The following ROBO3 variants were observed in gnomAD, a reference collection of about 807,000 sequenced individuals.
The protein encoded by ROBO3 is roundabout homolog 3.
ROBO3 carries 97 observed loss-of-function variants against 160.5 expected under a neutral mutation model. The ratio of observed to expected loss-of-function variants is 0.60; its 90% confidence interval spans 0.51 to 0.72. The LOEUF (loss-of-function observed/expected upper bound fraction) is 0.72, where lower values mean the gene tolerates loss of function less well. Among genes scored for constraint, ROBO3 ranks in the 30% least tolerant of loss-of-function variants. The pLI is 0.00. For missense variants in ROBO3, 1,858 were observed against 1,846.5 expected (o/e 1.01, Z -0.11); for synonymous variants, 780 against 746.2 (o/e 1.05, Z -0.74).
At position 124,878,598 on chromosome 11, in the gene ROBO3, A is replaced by G. The variant is rs1320086800; in HGVS notation, c.3335A>G (p.Glu1112Gly). 6.2e-7 allele frequency: 1 copy of G among 1,611,086 alleles called. No homozygotes were observed. The highest frequency in any genetic ancestry group is 1.7e-5 in the Admixed American group (1 of 59,560). ...EELEGSSEPE[E>G]WCPPMPERSH... ...TTTGATCCCAGCTCAGAGCCAGAGG[A>G]GTGGTGCCCGCCAATGCCTGAGAGA... The change falls in exon 23 of 28, where the codon GAG becomes GGG. Residue 1112 changes from glutamate to glycine, a missense_variant. Glu to Gly is a moderately conservative substitution (Grantham distance 98). Coordinates refer to ENST00000397801, the MANE Select transcript of ROBO3 (RefSeq NM_022370.4). This position sits in a 1 kb window ranked among gnomAD's most constrained non-coding sequence, Gnocchi z 4.3.
chr11:124,872,988 C>CA lies in ROBO3; in HGVS notation c.1437dup (p.Pro480ThrfsTer16). ...GCCCTGCAGAGTGACTGGGAACCCTCAACCCAGTGTCCGATGGAAGAAGGA... is the reference window on the plus strand; with the variant it reads ...GCCCTGCAGAGTGACTGGGAACCCTCAAACCCAGTGTCCGATGGAAGAAGGA... On this transcript the variant is annotated frameshift_variant, in exon 9 of 28. Transcript: ENST00000397801. LOFTEE classifies it high-confidence loss of function. This position sits in a 1 kb window ranked among gnomAD's most constrained non-coding sequence, Gnocchi z 4.3. 1 of 1,613,794 alleles carries CA rather than the reference C, an allele frequency of 6.2e-7. No individual in the cohort carries two copies. The highest frequency in any genetic ancestry group is 8.5e-7 in the Non-Finnish European group (1 of 1,179,838).
Position 124,872,274 on chromosome 11 carries a change from A to C in ROBO3, c.1159-107A>C. 9.5e-7 allele frequency: 1 copy of C among 1,048,084 alleles called. No homozygotes were observed. Among genetic ancestry groups the C allele is most frequent in the East Asian group, 2.4e-5 (1 of 41,970 alleles). 64.9% of individuals were successfully genotyped at this position (1,048,084 alleles called of 1,614,324 possible). A position where few individuals can be genotyped will look rare whatever the true frequency, so the allele number is the denominator to read the frequency against. ...CATCACTGCTGGAGACAGACGATGA[A>C]CTAGAATCATAGGAATTCTCTGAAT... On this transcript the variant is annotated intron_variant, in intron 7 of 27. Transcript: ENST00000397801. This position sits in a 1 kb window ranked among gnomAD's most constrained non-coding sequence, Gnocchi z 4.3.
intron 5 of ROBO3, 27 bp from the exon 6 acceptor site, chr11:124,870,574 C>A: frequency 1.2e-6 from 2 of 1,613,500 alleles, no homozygotes; most frequent in Non-Finnish European, 1.7e-6. Context: ...CTGTGGCCAA[C>A]CCAGCCTGGG....
rs1591524482 is a variant in ROBO3, at chr11:124,880,863, G to A, written c.4149+255G>A. ...GAGCTCAGGAGTTTGAGACTAGCCT[G>A]GGCAATATGGTAAAATCCCATCTCT... is the stretch of plus-strand genomic sequence containing the variant. On this transcript the variant is annotated intron_variant, in intron 27 of 27. Transcript: ENST00000397801. 2.6e-5 allele frequency among the ~76,000 whole-genome samples: 4 copies of A among 152,210 alleles called. No homozygotes were observed. In the Middle Eastern group the frequency reaches 0.014, roughly 518 times the overall value.
Position 124,869,614 on chromosome 11 carries a change from GC to G in ROBO3, c.645+8del. On this transcript the variant is annotated splice_region_variant and intron_variant, in intron 3 of 27. Transcript: ENST00000397801. The surrounding 1 kb of genome is among the most constrained non-coding windows in gnomAD (Gnocchi z 4.2). ...AGAGGAAGGAAGGATCACGGTGAGGGCGGGATTATGATTGGAGACCCCAACA... is the reference window on the plus strand; with the variant it reads ...AGAGGAAGGAAGGATCACGGTGAGGGGGGATTATGATTGGAGACCCCAACA... 1 of 1,559,630 alleles carries G rather than the reference GC, an allele frequency of 6.4e-7. No homozygotes were observed. Among genetic ancestry groups the G allele is most frequent in the Non-Finnish European group, 8.7e-7 (1 of 1,150,698 alleles).
chr11:124,874,376 T>G, intron 12 of ROBO3, 140 bp downstream of exon 12: 1 of 754,382 alleles, frequency 1.3e-6, no homozygotes. Flanking sequence ...CGGCCTGGAA[T>G]AGGAGATCAT....
In ROBO3 at chr11:124,878,928, G is replaced by A. The variant is rs1050310097; in HGVS notation, c.3533+132G>A. The A allele has an allele frequency of 6.9e-6, 6 of 871,574 alleles. No homozygotes were observed. The African/African-American group carries it at 1.0e-4, about 15-fold the overall frequency. 54.0% of individuals were successfully genotyped at this position (871,574 alleles called of 1,614,324 possible). On this transcript the variant is annotated intron_variant, in intron 23 of 27. Transcript: ENST00000397801. The surrounding 1 kb of genome is among the most constrained non-coding windows in gnomAD (Gnocchi z 4.3). ...AGAGGTCTCAGGGCTGTGTCAGGGT[G>A]GAAGTGTAATTTGGGCAGGAATATG...
At position 124,881,346 on chromosome 11, in the gene ROBO3, G is replaced by A. The variant is rs997596137; in HGVS notation, c.*96G>A. 2 of 1,260,588 alleles carry A rather than the reference G, an allele frequency of 1.6e-6. No homozygotes were observed. Among genetic ancestry groups the A allele is most frequent in the Middle Eastern group, 2.3e-4 (1 of 4,340 alleles). The allele number at this position is 1,260,588 out of a possible 1,614,324, so 78.1% of individuals were successfully genotyped here. A position where few individuals can be genotyped will look rare whatever the true frequency, so the allele number is the denominator to read the frequency against. On this transcript the variant is annotated 3_prime_UTR_variant, in exon 28 of 28. Transcript: ENST00000397801. ...GCAGTGATGAGTGGGGCTAGCTGAA[G>A]CCCATTGGTTTCCACGATTTCAATT...
At chr11:124,871,776 C>G (rs1329373873) in intron 7 of ROBO3, among the ~76,000 whole-genome samples, 1 of 152,192 alleles carries the variant, frequency 6.6e-6, no homozygotes, top group African/African-American at 2.4e-5. Context: ...AGGCAACCTG[C>G]TACCTCATTC....
In ROBO3 at chr11:124,873,604, C is replaced by A; in HGVS notation, c.1619-93C>A. ...TAGCCCACTCTGACCATCACCGCAG[C>A]TCAGAGCTCCATAGCTCCCCTGGTA... is the stretch of plus-strand genomic sequence containing the variant. On this transcript the variant is annotated intron_variant, in intron 10 of 27. Transcript: ENST00000397801. The surrounding 1 kb of genome is among the most constrained non-coding windows in gnomAD (Gnocchi z 4.5). 1.6e-6 allele frequency: 2 copies of A among 1,259,210 alleles called. No homozygotes were observed. Among genetic ancestry groups the A allele is most frequent in the Non-Finnish European group, 2.2e-6 (2 of 907,662 alleles). The allele number at this position is 1,259,210 out of a possible 1,614,324, so 78.0% of individuals were successfully genotyped here. A position where few individuals can be genotyped will look rare whatever the true frequency, so the allele number is the denominator to read the frequency against.
chr11:124,875,703 G>A lies in ROBO3; in HGVS notation c.2421+18G>A. The A allele has an allele frequency of 6.3e-7, 1 of 1,589,794 alleles. No individual in the cohort carries two copies. The highest frequency in any genetic ancestry group is 8.6e-7 in the Non-Finnish European group (1 of 1,167,738). ...AATACCAGGTAGAGGGATTGAGGAG[G>A]GACTGGATGGGAGGGCCAGGCCGGG... On this transcript the variant is annotated intron_variant, in intron 15 of 27. Transcript: ENST00000397801.
chr11:124,877,545 C>T lies in ROBO3; in HGVS notation c.2873C>T (p.Pro958Leu). 1 of 1,601,832 alleles carries T rather than the reference C, an allele frequency of 6.2e-7. No homozygotes were observed. Among genetic ancestry groups the T allele is most frequent in the South Asian group, 1.1e-5 (1 of 88,794 alleles). Reference protein sequence around the residue: ...SRPPMGLGPAPYSWLADSWPH... With the variant: ...SRPPMGLGPALYSWLADSWPH... ...CCACCCATGGGCCTTGGCCCCGCCC[C>T]CTACTCATGGCTGGCAGATTCGTGG... Residue 958 changes from proline (P) to leucine (L), a missense_variant, in exon 20 of 28, where the codon CCC becomes CTC. By Grantham distance (98) the Pro-to-Leu change is moderately conservative (BLOSUM62 -3). Coordinates refer to ENST00000397801, the MANE Select transcript of ROBO3 (RefSeq NM_022370.4).
At chr11:124,880,828 C>T (rs115908664) in intron 27 of ROBO3, among the ~76,000 whole-genome samples, 1,564 of 152,102 alleles carry the variant, frequency 0.01, 24 homozygotes, top group African/African-American at 0.035. Context: ...CCGAGATGGG[C>T]GGATCCCTTG....
Position 124,881,383 on chromosome 11 carries a change from C to A in ROBO3, c.*133C>A. The A allele has an allele frequency of 2.4e-6, 2 of 843,038 alleles. No individual in the cohort carries two copies. The highest frequency in any genetic ancestry group is 2.2e-5 in the Admixed American group (1 of 44,872). The allele number at this position is 843,038 out of a possible 1,614,324, so 52.2% of individuals were successfully genotyped here. On this transcript the variant is annotated 3_prime_UTR_variant, in exon 28 of 28. Coordinates refer to ENST00000397801, the MANE Select transcript of ROBO3 (RefSeq NM_022370.4). Reference sequence around the variant, plus strand: ...CCACGATTTCAATTGGCTGAGAAGGCAGAGAGCTAGCTCCTCCCTTTCTTT... The same window carrying A: ...CCACGATTTCAATTGGCTGAGAAGGAAGAGAGCTAGCTCCTCCCTTTCTTT...
rs560953771 is a variant in ROBO3, at chr11:124,870,132, C to T, written c.767-33C>T. 3.4e-4 allele frequency: 543 copies of T among 1,614,044 alleles called. 8 individuals are homozygous for T. The South Asian group carries it at 5.6e-3, about 17-fold the overall frequency. On this transcript the variant is annotated intron_variant, in intron 4 of 27. Coordinates refer to ENST00000397801, the MANE Select transcript of ROBO3 (RefSeq NM_022370.4). ...CCTGCAGAGTAAGTAGCCGTGCAGA[C>T]ACCCTGACTGTTCACTCACTACCAC...
chr11:124,868,467 C>T (rs1444669632), intron 1 of ROBO3: 6 of 590,124 alleles, frequency 1.0e-5, no homozygotes, highest in African/African-American at 3.7e-5. Context: ...GAGCGGTCTA[C>T]TCGCCAAGCG....
In ROBO3 at chr11:124,880,422, G is replaced by C; in HGVS notation, c.3963G>C (p.Glu1321Asp). 6.2e-7 allele frequency: 1 copy of C among 1,613,348 alleles called. No individual in the cohort carries two copies. The highest frequency in any genetic ancestry group is 8.5e-7 in the Non-Finnish European group (1 of 1,179,652). The change falls in exon 27 of 28, where the codon GAG (glutamate) becomes GAC (aspartate). Residue 1321 changes from glutamate (E) to aspartate (D), a missense_variant. Transcript: ENST00000397801. ...AAQRVLHPDE[E>D]AWLPYSRPSF... ...CCCTTCCCTCTTGTGCTGCAGAAGA[G>C]GCCTGGCTCCCATACAGCAGACCAA...
chr11:124,877,475 C>T (rs1335734957), intron 19 of ROBO3, 44 bp from the exon 20 acceptor site: 2 of 1,599,222 alleles, frequency 1.3e-6, no homozygotes, highest in East Asian at 2.3e-5. Context: ...CTTTGCTGGC[C>T]TCTTCAGGCT....
At chr11:124,879,625 G>A in intron 25 of ROBO3, 50 bp downstream of exon 25, 1 of 1,553,394 alleles carries the variant, frequency 6.4e-7, no homozygotes, top group Non-Finnish European at 8.8e-7. Context: ...CGGGGGGATA[G>A]GCAGGAAACC....
Sources: gnomAD v4.1 joint callset for allele counts (sites outside exome capture counted in the v4.1 genomes callset) on GRCh38, gnomAD v4.1.1 for gene constraint, Gnocchi (gnomAD v3.1) non-coding constraint, MANE v1.5 for transcripts, NCBI Gene and HGNC (gene_info 2026-07-23, HGNC 2026-07-21) for gene names.